The following GPC5 variants were observed in gnomAD, a reference collection of about 807,000 sequenced individuals.
GPC5 encodes glypican-5.
A neutral mutation model predicts 53.9 loss-of-function variants in GPC5; 47 were observed. The ratio of observed to expected loss-of-function variants is 0.87; its 90% CI spans 0.69 to 1.11. GPC5 has a LOEUF of 1.11. GPC5 is among the 50% of genes most tolerant of loss of function. The probability of loss-of-function intolerance (pLI) is 0.00; values close to 1 mark genes in which losing one functional copy is unlikely to be tolerated. For missense variants in GPC5, 748 were observed against 713.1 expected, an observed-to-expected ratio of 1.05 and a Z score of -0.56; for synonymous variants, 286 against 263.3, an observed-to-expected ratio of 1.09 and a Z score of -0.84.
intron 6 of GPC5, among the ~76,000 whole-genome samples, chr13:91,908,412 A>G (rs2039577204): frequency 6.6e-6 from 1 of 152,122 alleles, no homozygotes; most frequent in Non-Finnish European, 1.5e-5. Flanking sequence ...TGCCAGAGTT[A>G]TCTTTCAGGT....
chr13:92,043,911 A>G (rs1035324798), intron 6 of GPC5, among the ~76,000 whole-genome samples: 1 of 152,204 alleles, frequency 6.6e-6, no homozygotes, highest in African/African-American at 2.4e-5. Flanking sequence ...GTTGAATCTT[A>G]TAGGGTACAT....
chr13:91,827,497 A>G (rs1292995455), intron 5 of GPC5, among the ~76,000 whole-genome samples: 1 of 151,972 alleles, frequency 6.6e-6, no homozygotes, highest in African/African-American at 2.4e-5. Flanking sequence ...ATAGAAGAAC[A>G]AAGGACATGA....
At chr13:92,537,360 C>G (rs1430496612) in intron 7 of GPC5, among the ~76,000 whole-genome samples, 1 of 152,100 alleles carries the variant, frequency 6.6e-6, no homozygotes, top group Non-Finnish European at 1.5e-5. Context: ...TCAAAGGCAA[C>G]TCTAACTGCA....
intron 7 of GPC5, among the ~76,000 whole-genome samples, chr13:92,613,449 T>TA (rs1184667263): frequency 7.7e-4 from 80 of 104,322 alleles, no homozygotes; most frequent in South Asian, 2.5e-4. Flanking sequence ...AATATATATA[T>TA]TTATATATAA....
intron 6 of GPC5, among the ~76,000 whole-genome samples, chr13:92,102,489 G>C (rs900905422): frequency 6.6e-6 from 1 of 152,162 alleles, no homozygotes; most frequent in Non-Finnish European, 1.5e-5. Context: ...AGGAAGGACT[G>C]TATCTAGAAT....
chr13:91,813,365 T>C (rs1221431620), intron 5 of GPC5, among the ~76,000 whole-genome samples: 3 of 152,198 alleles, frequency 2.0e-5, no homozygotes, highest in African/African-American at 7.2e-5. Context: ...TTTCACGAGC[T>C]TTTGACTAGC....
At chr13:91,764,055 A>G (rs1399425197) in intron 5 of GPC5, among the ~76,000 whole-genome samples, 1 of 151,988 alleles carries the variant, frequency 6.6e-6, no homozygotes, top group African/African-American at 2.4e-5. Context: ...TTCTTCAAAT[A>G]TTTTTGATTC....
intron 6 of GPC5, among the ~76,000 whole-genome samples, chr13:91,925,528 G>T (rs116440187): frequency 6.6e-6 from 1 of 152,108 alleles, no homozygotes; most frequent in Non-Finnish European, 1.5e-5. Flanking sequence ...ATTAAATGAG[G>T]GGATCAGCTG....
intron 7 of GPC5, among the ~76,000 whole-genome samples, chr13:92,444,959 A>G (rs1221817744): frequency 6.6e-6 from 1 of 152,140 alleles, no homozygotes; most frequent in Non-Finnish European, 1.5e-5. Flanking sequence ...TGCTATTTTC[A>G]GGTAGTTCAG....
At chr13:92,562,242 C>G (rs1326875350) in intron 7 of GPC5, among the ~76,000 whole-genome samples, 1 of 152,066 alleles carries the variant, frequency 6.6e-6, no homozygotes, top group African/African-American at 2.4e-5. Context: ...GAATTTCACC[C>G]TTACGCTGTG....
At chr13:92,193,986 C>G (rs1185370174) in intron 7 of GPC5, among the ~76,000 whole-genome samples, 1 of 152,052 alleles carries the variant, frequency 6.6e-6, no homozygotes, top group Non-Finnish European at 1.5e-5. Context: ...GTGTTTAGTA[C>G]CATGGTGAAC....
intron 7 of GPC5, among the ~76,000 whole-genome samples, chr13:92,512,249 TGCGC>T (rs141496625): frequency 2.0e-5 from 3 of 149,484 alleles, no homozygotes; most frequent in Admixed American, 6.7e-5. Flanking sequence ...TGTGTGTGTG[TGCGC>T]GCGCGCGCGC....
rs1475019133 is a variant in GPC5 at position 92,381,917 on chromosome 13, T to TG, written c.1561+236928_1561+236929insG. Among the ~76,000 whole-genome samples the TG allele has an allele frequency of 3.1e-4, 37 of 117,936 alleles. 2 individuals are homozygous for TG. The highest frequency in any genetic ancestry group is 1.6e-3 in the African/African-American group (36 of 23,128). 77.4% of individuals were successfully genotyped at this position (117,936 alleles called of 152,430 possible). A position where few individuals can be genotyped will look rare whatever the true frequency, so the allele number is the denominator to read the frequency against. Reference sequence around the variant, plus strand: ...TATATAATCATATATATGATATATATAATCATATATATGATTATATATGAA... The same window carrying TG: ...TATATAATCATATATATGATATATATGAATCATATATATGATTATATATGAA... On this transcript the variant is annotated intron_variant, in intron 7 of 7. Transcript: ENST00000377067.
intron 2 of GPC5, among the ~76,000 whole-genome samples, chr13:91,667,658 A>G (rs1174769773): frequency 6.6e-6 from 1 of 152,170 alleles, no homozygotes; most frequent in East Asian, 1.9e-4. Flanking sequence ...GTCTGAATGT[A>G]TGACCAAAGC....
intron 6 of GPC5, among the ~76,000 whole-genome samples, chr13:92,031,820 T>G (rs2040850700): frequency 1.9e-5 from 2 of 107,990 alleles, no homozygotes; most frequent in Non-Finnish European, 3.4e-5. Flanking sequence ...ATATTACATA[T>G]TATATATAAT....
At chr13:92,494,743 G>T (rs1188957497) in intron 7 of GPC5, among the ~76,000 whole-genome samples, 1 of 152,028 alleles carries the variant, frequency 6.6e-6, no homozygotes, top group Non-Finnish European at 1.5e-5. Flanking sequence ...AAAAGCTTTG[G>T]TTACAGTAAC....
intron 7 of GPC5, among the ~76,000 whole-genome samples, chr13:92,456,942 C>G (rs1241945139): frequency 6.6e-6 from 1 of 151,938 alleles, no homozygotes; most frequent in African/African-American, 2.4e-5. Flanking sequence ...ACGAATGATT[C>G]CATTCCAGGT....
chr13:91,560,544 T>C (rs1026733737), intron 2 of GPC5, among the ~76,000 whole-genome samples: 1 of 152,108 alleles, frequency 6.6e-6, no homozygotes, highest in African/African-American at 2.4e-5. Context: ...GGGCAGTTGC[T>C]AATTGGTCAC....
chr13:92,394,798 T>C (rs1041141529), intron 7 of GPC5, among the ~76,000 whole-genome samples: 1 of 152,214 alleles, frequency 6.6e-6, no homozygotes, highest in Non-Finnish European at 1.5e-5. Context: ...TATATACTTC[T>C]ACAATAAAAT....
Sources: gnomAD v4.1 joint callset for allele counts (sites outside exome capture counted in the v4.1 genomes callset) on GRCh38, gnomAD v4.1.1 for gene constraint, MANE v1.5 for transcripts, NCBI Gene and HGNC (gene_info 2026-07-23, HGNC 2026-07-21) for gene names.